ARFGAP3: variants seen among roughly 807,000 people sequenced by gnomAD.
The protein encoded by ARFGAP3 is ADP-ribosylation factor GTPase-activating protein 3.
In ARFGAP3, 72 loss-of-function variants were observed where a neutral mutation model predicts 75.0. The ratio of observed to expected loss-of-function variants is 0.96; its 90% CI spans 0.79 to 1.17. ARFGAP3 has a LOEUF of 1.17. Among genes scored for constraint, ARFGAP3 ranks in the 50% most tolerant of loss-of-function variants. The pLI, the probability that ARFGAP3 is intolerant of heterozygous loss-of-function variation, is 0.00. For missense variants in ARFGAP3, 620 were observed against 626.6 expected (o/e 0.99, Z 0.11); for synonymous variants, 221 against 217.9 (o/e 1.01, Z -0.13).
At chr22:42,817,066 T>C in intron 11 of ARFGAP3, 76 bp downstream of exon 11, 2 of 1,042,592 alleles carry the variant, frequency 1.9e-6, no homozygotes, top group Admixed American at 3.9e-5. Flanking sequence ...TTTCTCCTAA[T>C]GCAAATAAAC....
chr22:42,803,897 CCTCTTT>C (rs1924992940), intron 14 of ARFGAP3, among the ~76,000 whole-genome samples: 1 of 145,492 alleles, frequency 6.9e-6, no homozygotes. Flanking sequence ...CTCCCTCCTT[CCTCTTT>C]TTTTTTTTTT....
chr22:42,834,221 G>C (rs1488013085), intron 5 of ARFGAP3, 21 bp downstream of exon 5: 1 of 1,604,838 alleles, frequency 6.2e-7, no homozygotes, highest in African/African-American at 1.4e-5. Flanking sequence ...ACTTTAAAAT[G>C]ATGTGAAGCA....
intron 9 of ARFGAP3, among the ~76,000 whole-genome samples, chr22:42,819,938 C>T (rs761716597): frequency 6.6e-6 from 1 of 152,174 alleles, no homozygotes; most frequent in Non-Finnish European, 1.5e-5. Flanking sequence ...AAATCAAATT[C>T]ATAAATCTTC....
chr22:42,823,785 T>C (rs985533595), intron 7 of ARFGAP3, 83 bp from the exon 8 acceptor site: 5 of 1,293,912 alleles, frequency 3.9e-6, no homozygotes, highest in Admixed American at 3.1e-5. Context: ...TCTAAGATAC[T>C]GCACTTTATT....
chr22:42,797,599 A>G lies in ARFGAP3; in HGVS notation c.1540T>C (p.Tyr514His), dbSNP rs969548226. Residue 514 changes from tyrosine to histidine, a missense_variant, in exon 16 of 16, where the codon TAC (tyrosine) becomes CAC (histidine). Coordinates refer to ENST00000263245, the MANE Select transcript of ARFGAP3 (RefSeq NM_014570.5). ...TCATGACTTCAGTATTAAGAACCGTAGCGATCCTGAAGAGAGAACCAAAAT... is the reference window on the plus strand; with the variant it reads ...TCATGACTTCAGTATTAAGAACCGTGGCGATCCTGAAGAGAGAACCAAAAT... ...NGVVTSIQDR[Y>H]GS The G allele has an allele frequency of 6.2e-7, 1 of 1,614,024 alleles. No individual in the cohort carries two copies. Among genetic ancestry groups the G allele is most frequent in the African/African-American group, 1.3e-5 (1 of 74,928 alleles).
chr22:42,838,265 T>TACAC (rs201747683), intron 3 of ARFGAP3, among the ~76,000 whole-genome samples: 1 of 137,852 alleles, frequency 7.3e-6, no homozygotes, highest in Admixed American at 7.8e-5. Context: ...GATATATATA[T>TACAC]ACACACACAC....
chr22:42,834,433 T>C, intron 4 of ARFGAP3, 108 bp from the exon 5 acceptor site: 2 of 1,506,548 alleles, frequency 1.3e-6, no homozygotes, highest in South Asian at 2.7e-5. Context: ...GATTGGTGCT[T>C]TCCATTCTTA....
chr22:42,848,742 G>A (rs569363248), intron 1 of ARFGAP3, among the ~76,000 whole-genome samples: 1 of 152,282 alleles, frequency 6.6e-6, no homozygotes, highest in East Asian at 1.9e-4. Context: ...TCCCCAGCCA[G>A]AGGAAGAGGT....
At chr22:42,841,199 C>A (rs756975316) in intron 2 of ARFGAP3, 183 bp from the exon 3 acceptor site, 10 of 680,826 alleles carry the variant, frequency 1.5e-5, no homozygotes, top group East Asian at 1.3e-4. Flanking sequence ...GCGTGAGCAA[C>A]CCCTGGCTCC....
chr22:42,836,877 C>G lies in ARFGAP3; in HGVS notation c.262-1384G>C, dbSNP rs564194191. Among the ~76,000 whole-genome samples, 59 of 152,246 alleles carry G rather than the reference C, an allele frequency of 3.9e-4. 1 individual carries two copies. The South Asian group carries it at 0.012, about 31-fold the overall frequency. On this transcript the variant is annotated intron_variant, in intron 3 of 15. Coordinates refer to ENST00000263245, the MANE Select transcript of ARFGAP3 (RefSeq NM_014570.5). Reference sequence around the variant, plus strand: ...CACAGAGAGGTTCAACAACATGCCCCAAGTCACATGGGTAGCAAGGGACAG... The same window carrying G: ...CACAGAGAGGTTCAACAACATGCCCGAAGTCACATGGGTAGCAAGGGACAG...
At chr22:42,840,281 C>T (rs1009483120) in intron 3 of ARFGAP3, among the ~76,000 whole-genome samples, 14 of 152,190 alleles carry the variant, frequency 9.2e-5, no homozygotes, top group African/African-American at 2.6e-4. Context: ...AGCTAGCCAA[C>T]GCTTCCTGTT....
chr22:42,847,728 C>T, intron 1 of ARFGAP3, 96 bp from the exon 2 acceptor site: 2 of 1,419,544 alleles, frequency 1.4e-6, no homozygotes, highest in Middle Eastern at 1.8e-4. Context: ...AACTGTTTAA[C>T]CTTTACAATG....
rs994500969 is a variant in ARFGAP3 at position 42,805,454 on chromosome 22, C to T, written c.1411+1619G>A. Among the ~76,000 whole-genome samples the T allele has an allele frequency of 7.2e-5, 11 of 152,312 alleles. No homozygotes were observed. The East Asian group carries it at 7.7e-4, about 11-fold the overall frequency. On this transcript the variant is annotated intron_variant, in intron 14 of 15. Transcript: ENST00000263245. The stretch of plus-strand genomic sequence containing the variant: ...TGGCTGTGCCAGGGCCCCTACAAGG[C>T]GACCCAGCACTGACCTGTGGGGCTG...
intron 6 of ARFGAP3, among the ~76,000 whole-genome samples, chr22:42,830,179 G>A (rs976666807): frequency 2.6e-5 from 4 of 152,188 alleles, no homozygotes; most frequent in African/African-American, 9.6e-5. Context: ...GTGCAGTGGT[G>A]CAATCATAGC....
At chr22:42,833,057 T>C (rs1926367809) in intron 5 of ARFGAP3, among the ~76,000 whole-genome samples, 1 of 151,908 alleles carries the variant, frequency 6.6e-6, no homozygotes, top group Non-Finnish European at 1.5e-5. Flanking sequence ...CCTTTTAGGC[T>C]TTACTTTCCC....
intron 6 of ARFGAP3, among the ~76,000 whole-genome samples, chr22:42,831,278 C>A (rs56866209): frequency 7.4e-6 from 1 of 135,946 alleles, no homozygotes; most frequent in Non-Finnish European, 1.5e-5. Flanking sequence ...CAGAGCAAGA[C>A]TTAGTCTCAA....
chr22:42,848,844 T>C (rs1927142342), intron 1 of ARFGAP3, among the ~76,000 whole-genome samples: 1 of 152,220 alleles, frequency 6.6e-6, no homozygotes, highest in African/African-American at 2.4e-5. Flanking sequence ...TTTACCAAGG[T>C]GATCTGTGTG....
chr22:42,843,105 G>A (rs1226758501), intron 2 of ARFGAP3, among the ~76,000 whole-genome samples: 2 of 142,490 alleles, frequency 1.4e-5, no homozygotes, highest in African/African-American at 5.3e-5. Context: ...CCACATCCCC[G>A]CTCCTGCATC....
At chr22:42,829,709 T>A (rs996580989) in intron 6 of ARFGAP3, among the ~76,000 whole-genome samples, 8 of 152,230 alleles carry the variant, frequency 5.3e-5, no homozygotes, top group Admixed American at 3.9e-4. Context: ...AATGTTCTAT[T>A]TTTATGTCAT....
Sources: allele counts gnomAD v4.1 joint callset (sites outside exome capture counted in the v4.1 genomes callset), GRCh38; gene constraint gnomAD v4.1.1; transcripts MANE v1.5; gene names NCBI Gene and HGNC (gene_info 2026-07-23, HGNC 2026-07-21).